The following SYNE2 variants were observed in gnomAD, a reference collection of about 807,000 sequenced individuals.
SYNE2 encodes the protein nesprin-2.
SYNE2 carries 431 observed loss-of-function variants against 856.3 expected under a neutral mutation model. That is an observed-to-expected ratio of 0.50 (90% CI 0.47 to 0.55). SYNE2 has a LOEUF of 0.55. Ranked by LOEUF, SYNE2 falls within the 20% of genes least tolerant of loss-of-function variation. The pLI is 0.00. For missense variants in SYNE2, 8,129 were observed against 8,023.2 expected (o/e 1.01, Z -0.50); for synonymous variants, 2,923 against 2,872.3 (o/e 1.02, Z -0.56).
intron 55 of SYNE2, 99 bp from the exon 56 acceptor site, chr14:64,080,357 T>C (rs1487183176): frequency 1.8e-5 from 21 of 1,182,050 alleles, no homozygotes; most frequent in Admixed American, 1.0e-4. Flanking sequence ...TGTGATGTTT[T>C]AGTAGCATTT....
rs1011096499 is a variant in SYNE2 at position 63,944,276 on chromosome 14, TTTTATATATATATA to T, written c.408+2135_408+2148del. On this transcript the variant is annotated intron_variant, in intron 6 of 115. Transcript: ENST00000555002. ...TGCTCTGATGAACAGCTTTCTGAAT[TTTTATATATATATA>T]TATATATATATATATATAAATAAAT... is the stretch of plus-strand genomic sequence containing the variant. Among the ~76,000 whole-genome samples the T allele has an allele frequency of 7.6e-4, 30 of 39,302 alleles. No individual in the cohort carries two copies. In the East Asian group the frequency reaches 0.012, roughly 16 times the overall value. 25.8% of individuals were successfully genotyped at this position (39,302 alleles called of 152,430 possible).
chr14:63,994,416 A>T (rs189261549), intron 22 of SYNE2, among the ~76,000 whole-genome samples: 195 of 152,316 alleles, frequency 1.3e-3, no homozygotes, highest in Non-Finnish European at 2.5e-3. Context: ...TGTACTGTTA[A>T]GGATCCTCCT....
chr14:64,039,912 C>G (rs2097134480), intron 45 of SYNE2, among the ~76,000 whole-genome samples: 1 of 152,130 alleles, frequency 6.6e-6, no homozygotes, highest in South Asian at 2.1e-4. Flanking sequence ...AAAAGTAGAC[C>G]AGGAAAATCT....
chr14:63,970,623 CCTTT>C (rs1303818182), intron 11 of SYNE2, among the ~76,000 whole-genome samples: 4 of 148,432 alleles, frequency 2.7e-5, no homozygotes, highest in Non-Finnish European at 4.5e-5. Flanking sequence ...TCTGTTTCTT[CCTTT>C]CTGTCTTTTT....
chr14:64,119,366 T>G, intron 66 of SYNE2, 61 bp from the exon 67 acceptor site: 1 of 1,598,712 alleles, frequency 6.3e-7, no homozygotes, highest in South Asian at 1.1e-5. Context: ...TTAACTTGTT[T>G]GCAGGCACAA....
At chr14:64,011,237 T>A in intron 32 of SYNE2, among the ~76,000 whole-genome samples, 1 of 152,220 alleles carries the variant, frequency 6.6e-6, no homozygotes, top group Non-Finnish European at 1.5e-5. Flanking sequence ...AGATACCAGC[T>A]GTACAGTATG....
chr14:63,884,299 A>G lies in SYNE2; in HGVS notation c.-51-24799A>G, dbSNP rs981881324. Among the ~76,000 whole-genome samples the G allele has an allele frequency of 3.3e-5, 5 of 152,288 alleles. No individual in the cohort carries two copies. In the East Asian group the frequency reaches 9.6e-4, roughly 29 times the overall value. On this transcript the variant is annotated intron_variant, in intron 1 of 115. Coordinates refer to ENST00000555002, the MANE Select transcript of SYNE2 (RefSeq NM_182914.3). ...TGCTGTAGGAAAGGCTTTTCTTCTG[A>G]AGACAGAAAAACTAAGAAAAGAGTA...
At chr14:64,186,701 G>C (rs1485548182) in intron 97 of SYNE2, 122 bp downstream of exon 97, 1 of 1,316,752 alleles carries the variant, frequency 7.6e-7, no homozygotes, top group Non-Finnish European at 1.1e-6. Flanking sequence ...TGGGACCCCT[G>C]GCCCGGCCGC....
chr14:63,978,437 ATCTTT>A (rs1399228906), intron 13 of SYNE2, among the ~76,000 whole-genome samples: 1 of 152,220 alleles, frequency 6.6e-6, no homozygotes, highest in African/African-American at 2.4e-5. Context: ...TTAATTCATT[ATCTTT>A]TCTTATTACT....
chr14:64,056,039 A>AC lies in SYNE2; in HGVS notation c.9843dup (p.Tyr3282LeufsTer7). ...TCACTTCCCTCGAAGCCATCATTAT[A>AC]CCCTACAGAGTAGATGTTGGTAATC... is the stretch of plus-strand genomic sequence containing the variant. On this transcript the variant is annotated frameshift_variant, in exon 49 of 116. Coordinates refer to ENST00000555002, the MANE Select transcript of SYNE2 (RefSeq NM_182914.3). LOFTEE classifies it high-confidence loss of function. The AC allele has an allele frequency of 6.2e-7, 1 of 1,614,172 alleles. No individual in the cohort carries two copies. Among genetic ancestry groups the AC allele is most frequent in the African/African-American group, 1.3e-5 (1 of 75,050 alleles).
At chr14:63,802,709 G>C (rs953493632) in intron 1 of SYNE2, among the ~76,000 whole-genome samples, 2 of 152,170 alleles carry the variant, frequency 1.3e-5, no homozygotes, top group African/African-American at 4.8e-5. Context: ...CGCGTCTGGA[G>C]TCTGTCCCTT....
At chr14:63,912,497 T>C (rs1448309546) in intron 2 of SYNE2, among the ~76,000 whole-genome samples, 1 of 152,204 alleles carries the variant, frequency 6.6e-6, no homozygotes, top group South Asian at 2.1e-4. Flanking sequence ...CCTGGGGTAA[T>C]ATGAGAAAGA....
chr14:63,956,321 A>G (rs942592890), intron 8 of SYNE2: 1 of 440,832 alleles, frequency 2.3e-6, no homozygotes, highest in Non-Finnish European at 4.5e-6. Context: ...AGTAAAATGT[A>G]ATACAGTAAT....
Position 64,142,011 on chromosome 14 carries a change from C to A in SYNE2, c.15229C>A (p.His5077Asn). 2 of 1,614,054 alleles carry A rather than the reference C, an allele frequency of 1.2e-6. No individual in the cohort carries two copies. Among genetic ancestry groups the A allele is most frequent in the African/African-American group, 1.3e-5 (1 of 75,030 alleles). ...GATTAGCTGGATGAACAATGTGGAG[C>A]ATCAAACTTCAGATGAAGACTCCGT... ...EMISWMNNVE[H>N]QTSDEDSVHS... The change falls in exon 82 of 116, where the codon CAT (histidine) becomes AAT (asparagine). Residue 5077 changes from histidine (H) to asparagine (N), a missense_variant. Physicochemically the swap from His to Asn is moderately conservative, Grantham distance 68. Around this residue, in one of 3 missense-constraint regions of SYNE2, gnomAD observed 5,410 missense variants for 5,284.8 expected, o/e 1.02. Transcript: ENST00000555002.
intron 50 of SYNE2, among the ~76,000 whole-genome samples, chr14:64,064,249 AC>A (rs2097340396): frequency 6.6e-6 from 1 of 152,242 alleles, no homozygotes; most frequent in Non-Finnish European, 1.5e-5. Context: ...TGATCTGATC[AC>A]CAAGAAGGCT....
chr14:64,208,684 C>T lies in SYNE2; in HGVS notation c.18202-74C>T, dbSNP rs531271244. 605 of 1,499,518 alleles carry T rather than the reference C, an allele frequency of 4.0e-4. 3 individuals are homozygous for T. The African/African-American group carries it at 7.0e-3, about 17-fold the overall frequency. The allele number at this position is 1,499,518 out of a possible 1,614,324, so 92.9% of individuals were successfully genotyped here. A position where few individuals can be genotyped will look rare whatever the true frequency, so the allele number is the denominator to read the frequency against. ...TGAGCTGGGAGAAGGGAGGGAGGAA[C>T]GGAGGTCCTTTGATGCTGACCCTCC... On this transcript the variant is annotated intron_variant, in intron 100 of 115. Coordinates refer to ENST00000555002, the MANE Select transcript of SYNE2 (RefSeq NM_182914.3).
At chr14:63,994,028 G>T in intron 22 of SYNE2, 59 bp downstream of exon 22, 2 of 1,566,730 alleles carry the variant, frequency 1.3e-6, no homozygotes, top group Non-Finnish European at 1.8e-6. Context: ...CTGGGCTGTT[G>T]GTTGTCAGAG....
rs989296979 is a variant in SYNE2 at position 64,206,592 on chromosome 14, G to A, written c.18202-2166G>A. On this transcript the variant is annotated intron_variant, in intron 100 of 115. Coordinates refer to ENST00000555002, the MANE Select transcript of SYNE2 (RefSeq NM_182914.3). ...TTTTTTTTTAACCAAGATGTTGATG[G>A]TCTTTTATAAATTATTGTAGAGTTC... Among the ~76,000 whole-genome samples, 5 of 150,100 alleles carry A rather than the reference G, an allele frequency of 3.3e-5. No homozygotes were observed. In the South Asian group the frequency reaches 1.0e-3, roughly 31 times the overall value.
At chr14:63,855,389 G>T (rs1891447471) in intron 1 of SYNE2, among the ~76,000 whole-genome samples, 2 of 152,124 alleles carry the variant, frequency 1.3e-5, no homozygotes. Flanking sequence ...GTGGCTCCCA[G>T]AACAACCTCT....
Sources: gnomAD v4.1 joint callset for allele counts (sites outside exome capture counted in the v4.1 genomes callset) on GRCh38, gnomAD v4.1.1 for gene constraint, gnomAD v4.1.1 regional missense constraint, MANE v1.5 for transcripts, NCBI Gene and HGNC (gene_info 2026-07-23, HGNC 2026-07-21) for gene names.